MACROD2: variants seen among roughly 807,000 people sequenced by gnomAD.
MACROD2 encodes the protein mono-ADP ribosylhydrolase 2, also known as ADP-ribose glycohydrolase MACROD2.
In MACROD2, 36 loss-of-function variants were observed where a neutral mutation model predicts 70.4. The ratio of observed to expected loss-of-function variants is 0.51; its 90% CI spans 0.39 to 0.68. MACROD2 has a LOEUF of 0.68. Ranked by LOEUF, MACROD2 falls within the 30% of genes least tolerant of loss-of-function variation. The pLI, the probability that MACROD2 is intolerant of heterozygous loss-of-function variation, is 0.00. For synonymous variants in MACROD2, 172 were observed against 178.8 expected (o/e 0.96, Z 0.30); for missense variants, 496 against 538.4 (o/e 0.92, Z 0.78).
At chr20:14,081,178 A>C (rs1329997064) in intron 2 of MACROD2, among the ~76,000 whole-genome samples, 1 of 152,200 alleles carries the variant, frequency 6.6e-6, no homozygotes, top group African/African-American at 2.4e-5. Context: ...ACCAGGCAAT[A>C]TGTGATCACC....
intron 8 of MACROD2, among the ~76,000 whole-genome samples, chr20:15,725,664 T>C (rs1295605024): frequency 6.6e-6 from 1 of 152,152 alleles, no homozygotes; most frequent in South Asian, 2.1e-4. Context: ...TTCCTAATTC[T>C]AGGTAAAGCT....
chr20:14,073,356 G>T (rs2053875126), intron 2 of MACROD2, among the ~76,000 whole-genome samples: 1 of 151,790 alleles, frequency 6.6e-6, no homozygotes, highest in South Asian at 2.1e-4. Context: ...ATGAAATTAT[G>T]ATTCACGCAA....
At chr20:15,009,419 C>A (rs1490462729) in intron 5 of MACROD2, among the ~76,000 whole-genome samples, 1 of 152,148 alleles carries the variant, frequency 6.6e-6, no homozygotes, top group Non-Finnish European at 1.5e-5. Flanking sequence ...CCCCTCTAAT[C>A]AACTTTTCAC....
chr20:15,039,534 C>T (rs1479147970), intron 5 of MACROD2, among the ~76,000 whole-genome samples: 2 of 152,132 alleles, frequency 1.3e-5, no homozygotes, highest in African/African-American at 4.8e-5. Context: ...AAGTATTCTG[C>T]ATGGCCAGGT....
chr20:15,709,713 G>C (rs924447345), intron 8 of MACROD2, among the ~76,000 whole-genome samples: 1 of 152,030 alleles, frequency 6.6e-6, no homozygotes, highest in Non-Finnish European at 1.5e-5. Flanking sequence ...GGTATGTACA[G>C]AGTTTTAATA....
At chr20:15,461,006 A>ATATATATATATTTTTTTTTTT in intron 7 of MACROD2, among the ~76,000 whole-genome samples, 5 of 66,990 alleles carry the variant, frequency 7.5e-5, no homozygotes, top group East Asian at 6.1e-4. Flanking sequence ...ATATATATAT[A>ATATATATATATTTTTTTTTTT]TTTTTTTTTA....
chr20:15,781,863 G>A (rs2051839729), intron 8 of MACROD2, among the ~76,000 whole-genome samples: 1 of 152,098 alleles, frequency 6.6e-6, no homozygotes. Flanking sequence ...GCTTTCTCAG[G>A]TAAAGGAACA....
intron 8 of MACROD2, among the ~76,000 whole-genome samples, chr20:15,599,942 G>T (rs745589824): frequency 5.9e-5 from 9 of 151,846 alleles, no homozygotes; most frequent in Non-Finnish European, 1.3e-4. Flanking sequence ...CTTTTCCTTT[G>T]GCTGCCAACT....
chr20:14,578,594 AAC>A (rs74898785), intron 4 of MACROD2, among the ~76,000 whole-genome samples: 28,209 of 152,106 alleles, frequency 0.19, 3,328 homozygotes, highest in Non-Finnish European at 0.26. Context: ...GAATTTCAAC[AAC>A]AGTGAACCTA....
intron 7 of MACROD2, among the ~76,000 whole-genome samples, chr20:15,487,138 G>A (rs118122543): frequency 0.049 from 7,528 of 152,298 alleles, 281 homozygotes; most frequent in Non-Finnish European, 0.07. Flanking sequence ...AAGTCAGATG[G>A]CCAAAGTCAA....
At chr20:15,365,440 T>C (rs986531885) in intron 6 of MACROD2, among the ~76,000 whole-genome samples, 13 of 151,740 alleles carry the variant, frequency 8.6e-5, no homozygotes, top group African/African-American at 3.1e-4. Flanking sequence ...CCAAGGCGGG[T>C]GGATCACGAG....
At chr20:14,968,065 G>A (rs1309940549) in intron 5 of MACROD2, among the ~76,000 whole-genome samples, 1 of 152,120 alleles carries the variant, frequency 6.6e-6, no homozygotes, top group Non-Finnish European at 1.5e-5. Context: ...GGGCTGGACA[G>A]GTAAGGTGTT....
intron 3 of MACROD2, among the ~76,000 whole-genome samples, chr20:14,178,180 A>G (rs1601316933): frequency 6.6e-6 from 1 of 152,154 alleles, no homozygotes; most frequent in South Asian, 2.1e-4. Flanking sequence ...ATGAAGAGGC[A>G]AAAGATCAAA....
intron 5 of MACROD2, among the ~76,000 whole-genome samples, chr20:14,925,889 C>T (rs1481826308): frequency 6.6e-6 from 1 of 152,050 alleles, no homozygotes; most frequent in South Asian, 2.1e-4. Flanking sequence ...TGGCCTGGCT[C>T]GCAGGGACTT....
intron 6 of MACROD2, among the ~76,000 whole-genome samples, chr20:15,372,833 C>T (rs527758149): frequency 1.3e-5 from 2 of 152,260 alleles, no homozygotes; most frequent in South Asian, 4.1e-4. Flanking sequence ...GGGAGAATTA[C>T]TTGAGGCCAG....
chr20:14,402,863 G>A (rs1259102409), intron 3 of MACROD2, among the ~76,000 whole-genome samples: 2 of 152,148 alleles, frequency 1.3e-5, no homozygotes, highest in African/African-American at 4.8e-5. Flanking sequence ...GAACATTGGG[G>A]CTGTGTTTTC....
In MACROD2 at chr20:14,534,265, G is replaced by A. The variant is rs918822690; in HGVS notation, c.301+40757G>A. On this transcript the variant is annotated intron_variant, in intron 4 of 17. Coordinates refer to ENST00000684519, the MANE Select transcript of MACROD2 (RefSeq NM_001351661.2). ...GAGTGGTGAACAAAGAGGAACTAAA[G>A]GTAGAGACCAGATGGAGAACTGGGT... 3.9e-5 allele frequency among the ~76,000 whole-genome samples: 6 copies of A among 152,266 alleles called. No homozygotes were observed. The South Asian group carries it at 1.0e-3, about 26-fold the overall frequency.
At chr20:14,640,770 A>G (rs1985046432) in intron 4 of MACROD2, among the ~76,000 whole-genome samples, 1 of 152,220 alleles carries the variant, frequency 6.6e-6, no homozygotes, top group Non-Finnish European at 1.5e-5. Context: ...CTAGAAATAC[A>G]ATGTAAATAC....
intron 5 of MACROD2, among the ~76,000 whole-genome samples, chr20:15,009,929 T>C (rs2075069389): frequency 6.6e-6 from 1 of 152,160 alleles, no homozygotes; most frequent in Non-Finnish European, 1.5e-5. Flanking sequence ...GTCTAGTTCT[T>C]GTGTTATTGG....
Sources: gnomAD v4.1 joint callset for allele counts (sites outside exome capture counted in the v4.1 genomes callset) on GRCh38, gnomAD v4.1.1 for gene constraint, MANE v1.5 for transcripts, NCBI Gene and HGNC (gene_info 2026-07-23, HGNC 2026-07-21) for gene names.